Variants in NRXN1 observed in about 807,000 individuals in gnomAD.
NRXN1 encodes neurexin-1.
In NRXN1, 39 loss-of-function variants were observed where a neutral mutation model predicts 150.9. The observed-to-expected ratio is 0.26, with a 90% CI of 0.20 to 0.34. The LOEUF is 0.34. Ranked by LOEUF, NRXN1 falls within the 10% of genes least tolerant of loss-of-function variation. The probability of loss-of-function intolerance (pLI) is 1.00; values close to 1 mark genes in which losing one functional copy is unlikely to be tolerated. For synonymous variants in NRXN1, 924 were observed against 757.0 expected, an observed-to-expected ratio of 1.22 and a Z score of -3.62; for missense variants, 1,815 against 1,949.9, an observed-to-expected ratio of 0.93 and a Z score of 1.30.
intron 2 of NRXN1, among the ~76,000 whole-genome samples, chr2:50,992,582 G>A (rs1698703899): frequency 6.6e-6 from 1 of 151,960 alleles, no homozygotes; most frequent in African/African-American, 2.4e-5. Context: ...GGCAGGACCT[G>A]AAAGAAATCA....
chr2:50,248,041 T>C (rs1276146459), intron 17 of NRXN1, among the ~76,000 whole-genome samples: 2 of 152,088 alleles, frequency 1.3e-5, no homozygotes, highest in African/African-American at 4.8e-5. Context: ...AGACAGAGTC[T>C]CATTCTGTCA....
At chr2:50,242,867 A>G in intron 17 of NRXN1, among the ~76,000 whole-genome samples, 1 of 151,816 alleles carries the variant, frequency 6.6e-6, no homozygotes, top group East Asian at 1.9e-4. Context: ...AAGAGAATGC[A>G]TATGCTCTTT....
intron 5 of NRXN1, among the ~76,000 whole-genome samples, chr2:50,826,933 T>G (rs1255003733): frequency 6.6e-6 from 1 of 152,154 alleles, no homozygotes; most frequent in Non-Finnish European, 1.5e-5. Flanking sequence ...AAGATTACAG[T>G]CTTTCAGACC....
chr2:50,721,755 C>T (rs1329066199), intron 5 of NRXN1, among the ~76,000 whole-genome samples: 1 of 151,618 alleles, frequency 6.6e-6, no homozygotes, highest in African/African-American at 2.4e-5. Flanking sequence ...TTCATAAAAC[C>T]CAATTAATTT....
intron 5 of NRXN1, among the ~76,000 whole-genome samples, chr2:50,771,589 G>C (rs1703014325): frequency 6.6e-6 from 1 of 152,082 alleles, no homozygotes; most frequent in East Asian, 1.9e-4. Flanking sequence ...ACAGAGGTGA[G>C]AATTTGAATA....
chr2:50,836,924 A>T (rs1672201637), intron 5 of NRXN1, among the ~76,000 whole-genome samples: 1 of 152,092 alleles, frequency 6.6e-6, no homozygotes, highest in Admixed American at 6.6e-5. Context: ...TAAAAAAAAA[A>T]TCAGATAAAA....
intron 17 of NRXN1, among the ~76,000 whole-genome samples, chr2:50,391,688 G>T (rs1305056416): frequency 6.6e-6 from 1 of 152,034 alleles, no homozygotes; most frequent in African/African-American, 2.4e-5. Flanking sequence ...TTAGCAAATG[G>T]ATCAATGAGT....
At chr2:50,909,279 G>C (rs573384656) in intron 5 of NRXN1, among the ~76,000 whole-genome samples, 1 of 151,936 alleles carries the variant, frequency 6.6e-6, no homozygotes, top group African/African-American at 2.4e-5. Flanking sequence ...ACTTTATGAG[G>C]TAACAAGGTA....
At chr2:50,503,901 A>G (rs780401561) in intron 13 of NRXN1, among the ~76,000 whole-genome samples, 20 of 152,166 alleles carry the variant, frequency 1.3e-4, no homozygotes, top group Non-Finnish European at 2.4e-4. Context: ...AGACATGGGC[A>G]GCGTATGCCC....
At chr2:50,502,493 C>A (rs1225515477) in intron 13 of NRXN1, among the ~76,000 whole-genome samples, 3 of 152,004 alleles carry the variant, frequency 2.0e-5, no homozygotes, top group Non-Finnish European at 4.4e-5. Flanking sequence ...AACACACACA[C>A]ACACGAGTCA....
At chr2:50,627,126 T>C (rs1681242048) in intron 5 of NRXN1, among the ~76,000 whole-genome samples, 1 of 151,886 alleles carries the variant, frequency 6.6e-6, no homozygotes, top group South Asian at 2.1e-4. Flanking sequence ...GTCATTCTTA[T>C]ATACTGCTGA....
intron 5 of NRXN1, among the ~76,000 whole-genome samples, chr2:50,811,045 C>G (rs1014238023): frequency 4.6e-5 from 7 of 151,846 alleles, no homozygotes; most frequent in Non-Finnish European, 2.9e-5. Flanking sequence ...GTAAGGGGGA[C>G]AGATAACCTA....
At chr2:50,978,991 A>G (rs1696353302) in intron 2 of NRXN1, among the ~76,000 whole-genome samples, 1 of 152,118 alleles carries the variant, frequency 6.6e-6, no homozygotes, top group Non-Finnish European at 1.5e-5. Context: ...TTTCTTGCAT[A>G]AAATACATAG....
chr2:50,248,038 G>A (rs522236), intron 17 of NRXN1, among the ~76,000 whole-genome samples: 1 of 152,024 alleles, frequency 6.6e-6, no homozygotes, highest in Non-Finnish European at 1.5e-5. Context: ...TTGAGACAGA[G>A]TCTCATTCTG....
intron 14 of NRXN1, among the ~76,000 whole-genome samples, chr2:50,496,635 G>A (rs1028903228): frequency 2.0e-5 from 3 of 152,048 alleles, no homozygotes; most frequent in South Asian, 2.1e-4. Context: ...TTTCTTTTCT[G>A]TTTATGTGTT....
chr2:50,678,244 A>T (rs1689826514), intron 5 of NRXN1, among the ~76,000 whole-genome samples: 1 of 152,156 alleles, frequency 6.6e-6, no homozygotes, highest in Non-Finnish European at 1.5e-5. Flanking sequence ...CATTATGATC[A>T]AGCATTGTTT....
At chr2:50,455,336 G>A (rs1370734689) in intron 17 of NRXN1, among the ~76,000 whole-genome samples, 3 of 152,012 alleles carry the variant, frequency 2.0e-5, no homozygotes, top group Non-Finnish European at 4.4e-5. Flanking sequence ...TAGCTTTCAG[G>A]GACTCAGATA....
chr2:50,924,842 C>T (rs1486506841), intron 3 of NRXN1, among the ~76,000 whole-genome samples: 4 of 151,688 alleles, frequency 2.6e-5, no homozygotes, highest in Non-Finnish European at 3.0e-5. Context: ...TACTGGTCAA[C>T]TCTGTATTAT....
chr2:49,960,713 C>T (rs1230076410), intron 21 of NRXN1, among the ~76,000 whole-genome samples: 2 of 152,152 alleles, frequency 1.3e-5, no homozygotes. Context: ...GAAAAAGCAC[C>T]AGCACCGGCA....
Sources: gnomAD v4.1 joint callset for allele counts (sites outside exome capture counted in the v4.1 genomes callset) on GRCh38, gnomAD v4.1.1 for gene constraint, MANE v1.5 for transcripts, NCBI Gene and HGNC (gene_info 2026-07-23, HGNC 2026-07-21) for gene names.